Variants in UNC5C observed in about 807,000 individuals in gnomAD.
UNC5C encodes the protein unc-5 netrin receptor C.
In UNC5C, 47 loss-of-function variants were observed where a neutral mutation model predicts 99.8. The observed-to-expected ratio is 0.47, with a 90% CI of 0.37 to 0.60. The LOEUF (loss-of-function observed/expected upper bound fraction) is 0.60. UNC5C is among the 20% of genes least tolerant of loss of function. The probability of loss-of-function intolerance (pLI) is 0.00; values close to 1 mark genes in which losing one functional copy is unlikely to be tolerated. For synonymous variants in UNC5C, 487 were observed against 452.2 expected (o/e 1.08, Z -0.98); for missense variants, 1,062 against 1,165.9 (o/e 0.91, Z 1.30).
intron 1 of UNC5C, among the ~76,000 whole-genome samples, chr4:95,514,510 T>C (rs958973428): frequency 6.6e-6 from 1 of 151,872 alleles, no homozygotes; most frequent in Non-Finnish European, 1.5e-5. Context: ...TTCTATAATT[T>C]ACTGTATCTT....
chr4:95,294,916 A>G (rs1172479977), intron 3 of UNC5C, among the ~76,000 whole-genome samples: 1 of 152,186 alleles, frequency 6.6e-6, no homozygotes, highest in African/African-American at 2.4e-5. Flanking sequence ...GGTTGATGAA[A>G]CTAAGGCTCC....
At chr4:95,498,289 T>C (rs1721681747) in intron 1 of UNC5C, among the ~76,000 whole-genome samples, 1 of 152,024 alleles carries the variant, frequency 6.6e-6, no homozygotes, top group African/African-American at 2.4e-5. Flanking sequence ...CCAGTTGTAA[T>C]GATCTTTGAG....
chr4:95,536,212 A>C (rs1361611466), intron 1 of UNC5C, among the ~76,000 whole-genome samples: 3 of 151,820 alleles, frequency 2.0e-5, no homozygotes, highest in Non-Finnish European at 4.4e-5. Context: ...AGTAGCTGGG[A>C]CTACAGGTGC....
At chr4:95,322,851 T>A (rs1445771446) in intron 2 of UNC5C, among the ~76,000 whole-genome samples, 1 of 150,642 alleles carries the variant, frequency 6.6e-6, no homozygotes, top group Non-Finnish European at 1.5e-5. Flanking sequence ...GGCAGGAGAA[T>A]CTCTTGAACC....
In UNC5C at chr4:95,445,865, G is replaced by A. The variant is rs75395358; in HGVS notation, c.124+102869C>T. 9.1e-3 allele frequency among the ~76,000 whole-genome samples: 1,391 copies of A among 152,100 alleles called. 22 individuals carry two copies. Among genetic ancestry groups the A allele is most frequent in the African/African-American group, 0.031 (1,279 of 41,480 alleles). ...TGTTCAGTGCTGGAGCGGAGGAGAG[G>A]GAAAGCTTGCGATGTGACTCCCTGT... On this transcript the variant is annotated intron_variant, in intron 1 of 15. Transcript: ENST00000453304.
At chr4:95,353,847 A>G (rs1744074474) in intron 1 of UNC5C, among the ~76,000 whole-genome samples, 1 of 152,096 alleles carries the variant, frequency 6.6e-6, no homozygotes, top group Admixed American at 6.6e-5. Context: ...CTAATTTAAG[A>G]TTTTCTTTAA....
intron 7 of UNC5C, among the ~76,000 whole-genome samples, chr4:95,230,547 G>A (rs1256385478): frequency 6.6e-6 from 1 of 150,456 alleles, no homozygotes; most frequent in Non-Finnish European, 1.5e-5. Flanking sequence ...TATTGCCTAG[G>A]TTTTCTTCTA....
At chr4:95,436,493 A>G (rs1746794959) in intron 1 of UNC5C, among the ~76,000 whole-genome samples, 1 of 151,994 alleles carries the variant, frequency 6.6e-6, no homozygotes, top group Non-Finnish European at 1.5e-5. Context: ...ATAACTAATT[A>G]CAGAAACTGC....
chr4:95,412,011 T>C (rs1368685555), intron 1 of UNC5C, among the ~76,000 whole-genome samples: 4 of 151,408 alleles, frequency 2.6e-5, no homozygotes, highest in Admixed American at 2.0e-4. Flanking sequence ...TAAAACCTAA[T>C]TCTAGTCATG....
chr4:95,521,210 C>T (rs866021943), intron 1 of UNC5C, among the ~76,000 whole-genome samples: 33 of 84,206 alleles, frequency 3.9e-4, no homozygotes, highest in South Asian at 5.0e-4. Flanking sequence ...TTTTTTTTTT[C>T]TTTTTTCTTT....
At chr4:95,536,082 A>ATATATATATTTT (rs1180330785) in intron 1 of UNC5C, among the ~76,000 whole-genome samples, 2 of 78,444 alleles carry the variant, frequency 2.5e-5, no homozygotes, top group South Asian at 7.1e-4. Context: ...ATATATATAT[A>ATATATATATTTT]TTTTTTTTTT....
chr4:95,452,074 T>C (rs1036934550), intron 1 of UNC5C, among the ~76,000 whole-genome samples: 2 of 152,168 alleles, frequency 1.3e-5, no homozygotes, highest in Non-Finnish European at 2.9e-5. Flanking sequence ...TAAAACAAAG[T>C]GGTAATGTAT....
At chr4:95,379,761 A>T (rs1047506803) in intron 1 of UNC5C, among the ~76,000 whole-genome samples, 1 of 152,198 alleles carries the variant, frequency 6.6e-6, no homozygotes, top group African/African-American at 2.4e-5. Context: ...CTCCGCAGCC[A>T]TCAGAATAAG....
At chr4:95,326,989 C>T (rs1742913460) in intron 2 of UNC5C, among the ~76,000 whole-genome samples, 1 of 152,160 alleles carries the variant, frequency 6.6e-6, no homozygotes, top group South Asian at 2.1e-4. Flanking sequence ...AATGTCTTTT[C>T]TCTGTCTTAT....
At chr4:95,487,103 G>C (rs1342050735) in intron 1 of UNC5C, among the ~76,000 whole-genome samples, 2 of 151,640 alleles carry the variant, frequency 1.3e-5, no homozygotes, top group Non-Finnish European at 2.9e-5. Flanking sequence ...AGAACCATGA[G>C]GCAATAAATT....
intron 12 of UNC5C, among the ~76,000 whole-genome samples, chr4:95,185,497 G>A (rs954810405): frequency 1.3e-5 from 2 of 152,032 alleles, no homozygotes; most frequent in African/African-American, 4.8e-5. Flanking sequence ...TATCAAATAT[G>A]GGGGAATAAC....
intron 2 of UNC5C, among the ~76,000 whole-genome samples, chr4:95,305,742 G>A (rs1466487473): frequency 6.6e-6 from 1 of 152,142 alleles, no homozygotes; most frequent in Non-Finnish European, 1.5e-5. Context: ...CCAGAGTGCA[G>A]GAAAGTAATT....
chr4:95,345,083 A>G (rs886507130), intron 1 of UNC5C, among the ~76,000 whole-genome samples: 7 of 152,016 alleles, frequency 4.6e-5, no homozygotes, highest in Non-Finnish European at 1.0e-4. Context: ...CAAAAAAAAT[A>G]AGACCCAATG....
rs757758330 is a variant in UNC5C, at chr4:95,219,183, C to G, written c.1431G>C (p.Leu477=). 9 of 1,614,104 alleles carry G rather than the reference C, an allele frequency of 5.6e-6. No homozygotes were observed. The South Asian group carries it at 9.9e-5, about 18-fold the overall frequency. The change falls in exon 9 of 16, where the codon CTG becomes CTC. Residue 477 remains leucine, a synonymous_variant. Transcript: ENST00000453304. ...CTGAGGTGTTGTACACTTTGATTTT[C>G]AGGTTGGGCAGTGGATCCAGAATTG... ...NSPILDPLPN[L]KIKVYNTSGA...
Sources: allele counts gnomAD v4.1 joint callset (sites outside exome capture counted in the v4.1 genomes callset), GRCh38; gene constraint gnomAD v4.1.1; transcripts MANE v1.5; gene names NCBI Gene and HGNC (gene_info 2026-07-23, HGNC 2026-07-21).